ATP8B1: variants seen among roughly 807,000 people sequenced by gnomAD.
ATP8B1 encodes the protein ATPase phospholipid transporting 8B1.
ATP8B1 carries 80 observed loss-of-function variants against 149.9 expected under a neutral mutation model. The ratio of observed to expected loss-of-function variants is 0.53; its 90% CI spans 0.45 to 0.64. The LOEUF (loss-of-function observed/expected upper bound fraction) is 0.64. Among genes scored for constraint, ATP8B1 ranks in the 30% least tolerant of loss-of-function variants. The probability of loss-of-function intolerance (pLI) is 0.00; values close to 1 mark genes in which losing one functional copy is unlikely to be tolerated. For missense variants in ATP8B1, 1,247 were observed against 1,552.6 expected (o/e 0.80, Z 3.31); for synonymous variants, 536 against 562.8 (o/e 0.95, Z 0.67).
intron 2 of ATP8B1, among the ~76,000 whole-genome samples, chr18:57,711,133 C>T (rs1913667740): frequency 1.3e-5 from 2 of 152,126 alleles, no homozygotes; most frequent in African/African-American, 2.4e-5. Flanking sequence ...TTGGCCAGAT[C>T]TCAAAATTTA....
At chr18:57,779,874 G>A (rs2080342475) in intron 1 of ATP8B1, among the ~76,000 whole-genome samples, 1 of 126,418 alleles carries the variant, frequency 7.9e-6, no homozygotes, top group African/African-American at 2.9e-5. Context: ...TCCAGCCTGG[G>A]AAATAAGAGC....
chr18:57,684,596 C>T (rs896002186), intron 14 of ATP8B1, among the ~76,000 whole-genome samples: 2 of 152,094 alleles, frequency 1.3e-5, no homozygotes, highest in African/African-American at 4.8e-5. Context: ...ATTGATCTGC[C>T]AAACTTAGCC....
At chr18:57,669,842 G>T (rs1911122748) in intron 17 of ATP8B1, among the ~76,000 whole-genome samples, 1 of 151,914 alleles carries the variant, frequency 6.6e-6, no homozygotes. Flanking sequence ...TGTAGAGATG[G>T]GGTTTCATCA....
At chr18:57,732,465 A>T (rs1262965573) in intron 1 of ATP8B1, among the ~76,000 whole-genome samples, 1 of 151,676 alleles carries the variant, frequency 6.6e-6, no homozygotes, top group Non-Finnish European at 1.5e-5. Context: ...CAGGCTATAA[A>T]ATATCAGATT....
At chr18:57,700,865 C>T (rs762015199) in intron 6 of ATP8B1, among the ~76,000 whole-genome samples, 174 bp downstream of exon 6, 2 of 151,996 alleles carry the variant, frequency 1.3e-5, no homozygotes, top group Non-Finnish European at 2.9e-5. Context: ...TGCAGTGAGC[C>T]GAGATAACGC....
At chr18:57,706,284 T>A (rs1478035854) in intron 3 of ATP8B1, among the ~76,000 whole-genome samples, 2 of 152,174 alleles carry the variant, frequency 1.3e-5, no homozygotes, top group Admixed American at 1.3e-4. Flanking sequence ...TCAATCTACA[T>A]AATTCTGTTT....
rs149205162 is a variant in ATP8B1, at chr18:57,719,127, T to C, written c.181+12500A>G. Among the ~76,000 whole-genome samples the C allele has an allele frequency of 3.9e-5, 6 of 152,292 alleles. No individual in the cohort carries two copies. In the East Asian group the frequency reaches 1.2e-3, roughly 29 times the overall value. On this transcript the variant is annotated intron_variant, in intron 2 of 27. Transcript: ENST00000648908. ...ACCTAAAGACTCCACCAAAAAACTATCAGAACTGGTAAACAAATTCTGTAA... is the reference window on the plus strand; with the variant it reads ...ACCTAAAGACTCCACCAAAAAACTACCAGAACTGGTAAACAAATTCTGTAA...
chr18:57,653,686 T>C (rs1315525379), intron 24 of ATP8B1, among the ~76,000 whole-genome samples: 1 of 92,994 alleles, frequency 1.1e-5, no homozygotes, highest in Non-Finnish European at 2.9e-5. Flanking sequence ...TTTTCTCTTT[T>C]TTTTTTTTTT....
intron 6 of ATP8B1, among the ~76,000 whole-genome samples, chr18:57,699,567 A>G (rs1415756110): frequency 6.6e-6 from 1 of 152,114 alleles, no homozygotes; most frequent in Non-Finnish European, 1.5e-5. Flanking sequence ...TACTAAAAAT[A>G]CAAAAAATTA....
intron 2 of ATP8B1, among the ~76,000 whole-genome samples, chr18:57,710,520 G>A (rs1415796641): frequency 6.6e-6 from 1 of 151,996 alleles, no homozygotes; most frequent in African/African-American, 2.4e-5. Flanking sequence ...CCAAGAAGCT[G>A]CACTGGTTGG....
In ATP8B1 at chr18:57,647,499, T is replaced by G. The variant is rs1490531865; in HGVS notation, c.*989A>C. 1 of 152,270 alleles carries G rather than the reference T, an allele frequency of 6.6e-6. No homozygotes were observed. The highest frequency in any genetic ancestry group is 1.5e-5 in the Non-Finnish European group (1 of 68,024). 9.4% of individuals were successfully genotyped at this position (152,270 alleles called of 1,614,324 possible). Reference sequence around the variant, plus strand: ...TCAGATGATGAACACTGATAAGTCATTTGTCATTACTATAAATTTTAAAAT... The same window carrying G: ...TCAGATGATGAACACTGATAAGTCAGTTGTCATTACTATAAATTTTAAAAT... On this transcript the variant is annotated 3_prime_UTR_variant, in exon 28 of 28. Coordinates refer to ENST00000648908, the MANE Select transcript of ATP8B1 (RefSeq NM_001374385.1).
chr18:57,658,627 T>TTGTGTGTGTGTGTGTG (rs71171058), intron 22 of ATP8B1, among the ~76,000 whole-genome samples: 4 of 144,988 alleles, frequency 2.8e-5, no homozygotes, highest in African/African-American at 1.0e-4. Flanking sequence ...AACAATTTCT[T>TTGTGTGTGTGTGTGTG]TGTGTGTGTG....
In ATP8B1 at chr18:57,701,064, T is replaced by A; in HGVS notation, c.529A>T (p.Thr177Ser). ...CTGCCATCCTTAATGACTTCACACG[T>A]CCTATTGTTGATTTCCTTATCCATT... ...HKMDKEINNR[T>S]CEVIKDGRFK... Residue 177 changes from threonine (T) to serine (S), a missense_variant, in exon 6 of 28, where the codon ACG becomes TCG. By Grantham distance (58) the Thr-to-Ser change is moderately conservative. Around this residue, in one of 3 missense-constraint regions of ATP8B1, gnomAD observed 853 missense variants for 1,035.7 expected, o/e 0.82. Transcript: ENST00000648908. 1 of 1,614,170 alleles carries A rather than the reference T, an allele frequency of 6.2e-7. No homozygotes were observed. The highest frequency in any genetic ancestry group is 1.1e-5 in the South Asian group (1 of 91,084).
intron 16 of ATP8B1, among the ~76,000 whole-genome samples, chr18:57,672,923 T>C (rs1568189348): frequency 0.067 from 3,370 of 50,298 alleles, 290 homozygotes; most frequent in East Asian, 0.14. Flanking sequence ...TATATATATA[T>C]ATATATATAA....
At chr18:57,667,333 T>A in intron 19 of ATP8B1, 166 bp from the exon 20 acceptor site, 1 of 624,352 alleles carries the variant, frequency 1.6e-6, no homozygotes. Context: ...TCTGCCCATC[T>A]CAGCACCACC....
chr18:57,653,619 A>G (rs775131424), intron 24 of ATP8B1, among the ~76,000 whole-genome samples: 1 of 151,462 alleles, frequency 6.6e-6, no homozygotes, highest in Non-Finnish European at 1.5e-5. Flanking sequence ...CTTACTGTCT[A>G]AAAGGAACAT....
At chr18:57,712,743 T>C (rs1913747112) in intron 2 of ATP8B1, among the ~76,000 whole-genome samples, 1 of 151,650 alleles carries the variant, frequency 6.6e-6, no homozygotes, top group African/African-American at 2.4e-5. Context: ...CTCTTCCTTC[T>C]GCTTGAGGAG....
At chr18:57,799,123 T>A (rs989586378) in intron 1 of ATP8B1, among the ~76,000 whole-genome samples, 1 of 152,152 alleles carries the variant, frequency 6.6e-6, no homozygotes, top group Non-Finnish European at 1.5e-5. Context: ...ATACTATTAT[T>A]ATCCCATTTA....
At chr18:57,753,942 AAAAAAAG>A (rs1181971562) in intron 1 of ATP8B1, among the ~76,000 whole-genome samples, 34 of 48,430 alleles carry the variant, frequency 7.0e-4, no homozygotes, top group Admixed American at 1.1e-3. Flanking sequence ...AAAAAAAAAA[AAAAAAAG>A]AAAGAAAGAA....
Sources: allele counts gnomAD v4.1 joint callset (sites outside exome capture counted in the v4.1 genomes callset), GRCh38; gene constraint gnomAD v4.1.1; regional missense constraint gnomAD v4.1.1; transcripts MANE v1.5; gene names NCBI Gene and HGNC (gene_info 2026-07-23, HGNC 2026-07-21).